Variants in TRPC5 observed in about 807,000 individuals in gnomAD.
TRPC5 encodes the protein transient receptor potential cation channel subfamily C member 5, also known as short transient receptor potential channel 5.
TRPC5 carries 9 observed loss-of-function variants against 56.5 expected under a neutral mutation model. That is an observed-to-expected ratio of 0.16 (90% CI 0.10 to 0.28). The LOEUF is 0.28. Ranked by LOEUF, TRPC5 falls within the 10% of genes least tolerant of loss-of-function variation. The pLI, the probability that TRPC5 is intolerant of heterozygous loss-of-function variation, is 1.00. For synonymous variants in TRPC5, 282 were observed against 278.5 expected, an observed-to-expected ratio of 1.01 and a Z score of -0.13; for missense variants, 469 against 748.9, an observed-to-expected ratio of 0.63 and a Z score of 4.36.
In TRPC5 at chrX:112,041,859, G is replaced by T. The variant is rs776809472; in HGVS notation, c.-22+40020C>A. The stretch of plus-strand genomic sequence containing the variant: ...TTGCTTATAGCTCTGTAGTAGGAAA[G>T]AAATCAATGTGTTTTATGAACGTGG... On this transcript the variant is annotated intron_variant, in intron 1 of 10. Coordinates refer to ENST00000262839, the MANE Select transcript of TRPC5 (RefSeq NM_012471.3). Among the ~76,000 whole-genome samples, 15 of 111,686 alleles carry T rather than the reference G, an allele frequency of 1.3e-4. No homozygotes were observed. The East Asian group carries it at 3.9e-3, about 29-fold the overall frequency.
intron 7 of TRPC5, among the ~76,000 whole-genome samples, chrX:111,831,702 G>A (rs1171249983): frequency 8.9e-6 from 1 of 111,910 alleles, no homozygotes; most frequent in Admixed American, 9.5e-5. Flanking sequence ...ATACTCCATA[G>A]CAGCCAAAGA....
At chrX:111,905,633 G>A (rs111917619) in intron 3 of TRPC5, among the ~76,000 whole-genome samples, 1,272 of 111,806 alleles carry the variant, frequency 0.011, 30 homozygotes, top group Admixed American at 0.017. Flanking sequence ...TGCTGAAGGC[G>A]GCCGGACGCG....
At chrX:112,062,980 A>T (rs34924708) in intron 1 of TRPC5, among the ~76,000 whole-genome samples, 14,227 of 111,223 alleles carry the variant, frequency 0.13, 1,218 homozygotes, top group African/African-American at 0.32. Context: ...AGAATTCAAA[A>T]GAAGAGTGCT....
chrX:111,805,545 GA>G (rs1376760088), intron 7 of TRPC5, among the ~76,000 whole-genome samples: 2 of 111,524 alleles, frequency 1.8e-5, no homozygotes. Context: ...TTATTGAGCT[GA>G]AAAATCAAGC....
At chrX:111,890,961 A>T (rs1159435603) in intron 3 of TRPC5, among the ~76,000 whole-genome samples, 1 of 111,398 alleles carries the variant, frequency 9.0e-6, no homozygotes, top group East Asian at 2.8e-4. Context: ...ATAAGTAAGA[A>T]CGTGAGGTAT....
At chrX:112,058,936 C>G (rs750233984) in intron 1 of TRPC5, among the ~76,000 whole-genome samples, 2 of 111,078 alleles carry the variant, frequency 1.8e-5, no homozygotes, top group Non-Finnish European at 3.8e-5. Flanking sequence ...GCAAATTGCC[C>G]AAGGCCTCAC....
intron 1 of TRPC5, among the ~76,000 whole-genome samples, chrX:112,054,933 G>C (rs918039845): frequency 9.0e-6 from 1 of 111,107 alleles, no homozygotes; most frequent in African/African-American, 3.3e-5. Context: ...TTGAGGACTC[G>C]AGTTCAGAGG....
At chrX:112,005,831 T>C (rs1050170515) in intron 1 of TRPC5, among the ~76,000 whole-genome samples, 15 of 111,723 alleles carry the variant, frequency 1.3e-4, no homozygotes, top group African/African-American at 4.2e-4. Context: ...AAATTTGAAA[T>C]TGACCTGATA....
At chrX:112,017,928 G>A (rs1374287570) in intron 1 of TRPC5, among the ~76,000 whole-genome samples, 1 of 112,190 alleles carries the variant, frequency 8.9e-6, no homozygotes, top group Non-Finnish European at 1.9e-5. Context: ...TACATAGTAA[G>A]TATAAAATAC....
chrX:111,929,616 C>T (rs1317598667), intron 2 of TRPC5, among the ~76,000 whole-genome samples: 1 of 112,237 alleles, frequency 8.9e-6, no homozygotes, highest in East Asian at 2.8e-4. Context: ...TTTATATTTA[C>T]TGGGGCTTTG....
rs5942756 is a variant in TRPC5, at chrX:111,813,508, G to A, written c.1896+21413C>T. 6.0e-3 allele frequency among the ~76,000 whole-genome samples: 673 copies of A among 112,596 alleles called. 3 individuals are homozygous for A. Among genetic ancestry groups the A allele is most frequent in the Non-Finnish European group, 9.1e-3 (484 of 53,358 alleles). ...ATTTCTCAACAAATCCAAGCTCACA[G>A]TTATTTTCCTTGCAATCAAACTGCA... On this transcript the variant is annotated intron_variant, in intron 7 of 10. Coordinates refer to ENST00000262839, the MANE Select transcript of TRPC5 (RefSeq NM_012471.3).
At chrX:112,065,023 A>C (rs1290927613) in intron 1 of TRPC5, among the ~76,000 whole-genome samples, 2 of 107,029 alleles carry the variant, frequency 1.9e-5, no homozygotes, top group Non-Finnish European at 3.9e-5. Context: ...ACAGTGAGCC[A>C]TGATCGCACC....
chrX:112,016,049 G>A (rs1457078055), intron 1 of TRPC5, among the ~76,000 whole-genome samples: 1 of 111,402 alleles, frequency 9.0e-6, no homozygotes, highest in African/African-American at 3.3e-5. Context: ...CAGCAGACCA[G>A]GAAAAAAAAT....
At chrX:111,941,702 G>A (rs976695165) in intron 2 of TRPC5, among the ~76,000 whole-genome samples, 3 of 112,227 alleles carry the variant, frequency 2.7e-5, no homozygotes, top group African/African-American at 6.5e-5. Context: ...ATGATGGAAT[G>A]ACAGTGGGGC....
intron 5 of TRPC5, 133 bp downstream of exon 5, chrX:111,852,165 T>A: frequency 1.6e-6 from 1 of 617,631 alleles, no homozygotes; most frequent in South Asian, 3.7e-5. Context: ...AATGTCTGTT[T>A]ATATGGTAAT....
At chrX:112,020,475 A>T (rs1929244580) in intron 1 of TRPC5, among the ~76,000 whole-genome samples, 1 of 111,803 alleles carries the variant, frequency 8.9e-6, no homozygotes, top group Admixed American at 9.5e-5. Context: ...CTGATGAGGA[A>T]CACAGAAGGA....
chrX:111,786,150 A>C (rs1160323907), intron 7 of TRPC5, among the ~76,000 whole-genome samples: 1 of 111,525 alleles, frequency 9.0e-6, no homozygotes, highest in Non-Finnish European at 1.9e-5. Context: ...AAAAAGTGTT[A>C]AGGGCAGCCA....
intron 1 of TRPC5, among the ~76,000 whole-genome samples, chrX:111,982,915 GC>G (rs1269701214): frequency 9.0e-6 from 1 of 111,081 alleles, no homozygotes; most frequent in Non-Finnish European, 1.9e-5. Context: ...TATATTGGAT[GC>G]TGATTCAGAG....
chrX:111,806,530 G>A (rs1427249657), intron 7 of TRPC5, among the ~76,000 whole-genome samples: 1 of 111,783 alleles, frequency 8.9e-6, no homozygotes. Flanking sequence ...CTCACAGCAT[G>A]GTAGCAGGCT....
Sources: allele counts gnomAD v4.1 joint callset (sites outside exome capture counted in the v4.1 genomes callset), GRCh38; gene constraint gnomAD v4.1.1; transcripts MANE v1.5; gene names NCBI Gene and HGNC (gene_info 2026-07-23, HGNC 2026-07-21).